The following CFAP58 variants were observed in gnomAD, a reference collection of about 807,000 sequenced individuals.
CFAP58 encodes the protein cilia- and flagella-associated protein 58.
Under a neutral mutation model 119.5 loss-of-function variants are expected in CFAP58, and 88 were observed. The observed-to-expected ratio is 0.74, with a 90% confidence interval of 0.62 to 0.88. The LOEUF is 0.88. CFAP58 is among the 40% of genes least tolerant of loss of function. CFAP58 has a pLI of 0.00. For synonymous variants in CFAP58, 365 were observed against 366.3 expected, an observed-to-expected ratio of 1.00 and a Z score of 0.04; for missense variants, 990 against 1,021.2, an observed-to-expected ratio of 0.97 and a Z score of 0.42.
intron 15 of CFAP58, among the ~76,000 whole-genome samples, chr10:104,418,884 G>C (rs543356157): frequency 1.3e-4 from 20 of 152,254 alleles, no homozygotes; most frequent in African/African-American, 4.8e-4. Flanking sequence ...CGATGATGTG[G>C]GACTGAGAGG....
At chr10:104,399,598 C>T (rs1461153344) in intron 12 of CFAP58, 98 bp downstream of exon 12, 39 of 1,272,480 alleles carry the variant, frequency 3.1e-5, no homozygotes, top group Non-Finnish European at 4.1e-5. Context: ...CTCTTCCAAC[C>T]AGCCCTATTG....
At chr10:104,342,530 C>T in the CFAP58 span, among the ~76,000 whole-genome samples, 1 of 152,010 alleles carries the variant, frequency 6.6e-6, no homozygotes, top group South Asian at 2.1e-4. Flanking sequence ...CTTCACATTC[C>T]ATAGTGAAAG....
the CFAP58 span, among the ~76,000 whole-genome samples, chr10:104,344,801 A>G: frequency 6.6e-6 from 1 of 152,088 alleles, no homozygotes; most frequent in Non-Finnish European, 1.5e-5. Context: ...ATTTGCTTCT[A>G]CTAAAATCAT....
chr10:104,364,427 AACACACACACACAC>A (rs66757511), intron 3 of CFAP58, among the ~76,000 whole-genome samples: 49 of 142,242 alleles, frequency 3.4e-4, no homozygotes, highest in African/African-American at 1.0e-3. Context: ...ATGTCTGTAA[AACACACACACACAC>A]ACACACACAC....
At position 104,370,896 on chromosome 10, in the gene CFAP58, C is replaced by T. The variant is rs746130575; in HGVS notation, c.932C>T (p.Ala311Val). The change falls in exon 7 of 18, where the codon GCC becomes GTC. Residue 311 changes from alanine (A) to valine (V), a missense_variant and splice_region_variant. Physicochemically the swap from Ala to Val is moderately conservative, Grantham distance 64. Transcript: ENST00000369704. ...TTAATTCTTTCTCACTAATTACAGG[C>T]CAAAGAGGAAGAAGTCCATCAAATG... ...ENQQKALELK[A>V]KEEEVHQMRL... The T allele has an allele frequency of 1.1e-5, 18 of 1,610,158 alleles. No individual in the cohort carries two copies. Among genetic ancestry groups the T allele is most frequent in the Admixed American group, 8.4e-5 (5 of 59,172 alleles).
intron 15 of CFAP58, among the ~76,000 whole-genome samples, chr10:104,444,652 G>A (rs1202976727): frequency 6.6e-6 from 1 of 152,178 alleles, no homozygotes; most frequent in Non-Finnish European, 1.5e-5. Context: ...TGATACACAA[G>A]GCTAGAATGT....
At chr10:104,401,044 A>G (rs982083137) in intron 13 of CFAP58, 141 bp downstream of exon 13, 1 of 622,680 alleles carries the variant, frequency 1.6e-6, no homozygotes, top group Admixed American at 2.9e-5. Flanking sequence ...AATTATTAAC[A>G]AATAATAAGA....
At chr10:104,419,020 T>C (rs1021732801) in intron 15 of CFAP58, among the ~76,000 whole-genome samples, 11 of 152,142 alleles carry the variant, frequency 7.2e-5, no homozygotes, top group East Asian at 3.9e-4. Flanking sequence ...GATGCTCTCA[T>C]TGAAGGACAT....
chr10:104,383,560 A>C (rs571462899), intron 9 of CFAP58, among the ~76,000 whole-genome samples: 18 of 152,326 alleles, frequency 1.2e-4, no homozygotes, highest in Non-Finnish European at 2.5e-4. Context: ...ATATTTAACC[A>C]CACATAATGT....
At chr10:104,412,498 G>A (rs1004444014) in intron 15 of CFAP58, among the ~76,000 whole-genome samples, 2 of 151,996 alleles carry the variant, frequency 1.3e-5, no homozygotes, top group African/African-American at 4.8e-5. Flanking sequence ...AACAAGCCTT[G>A]TTATCTTGCT....
chr10:104,430,170 T>G (rs560094423), intron 15 of CFAP58, among the ~76,000 whole-genome samples: 1 of 152,326 alleles, frequency 6.6e-6, no homozygotes, highest in East Asian at 1.9e-4. Context: ...AAGACACGAA[T>G]GATGTACTTA....
At chr10:104,376,953 G>C in intron 8 of CFAP58, 60 bp downstream of exon 8, 1 of 1,316,140 alleles carries the variant, frequency 7.6e-7, no homozygotes, top group Non-Finnish European at 1.1e-6. Flanking sequence ...GTAATATCTG[G>C]CTATAGCCAG....
intron 15 of CFAP58, among the ~76,000 whole-genome samples, chr10:104,441,749 C>A (rs528253841): frequency 3.7e-4 from 57 of 152,262 alleles, no homozygotes; most frequent in African/African-American, 1.3e-3. Context: ...ACTGTGTAAC[C>A]GACTAGTTCC....
intron 15 of CFAP58, among the ~76,000 whole-genome samples, chr10:104,446,956 A>G (rs909061592): frequency 6.6e-6 from 1 of 151,822 alleles, no homozygotes; most frequent in Non-Finnish European, 1.5e-5. Context: ...TTCCTTGGAT[A>G]TTTACCTCTT....
At chr10:104,348,050 T>G in the CFAP58 span, among the ~76,000 whole-genome samples, 3 of 151,174 alleles carry the variant, frequency 2.0e-5, no homozygotes, top group Non-Finnish European at 4.4e-5. Context: ...ATAATAGAAC[T>G]GGCTTCATGT....
At chr10:104,381,180 A>G (rs1435446917) in intron 9 of CFAP58, among the ~76,000 whole-genome samples, 5 of 149,654 alleles carry the variant, frequency 3.3e-5, no homozygotes, top group Admixed American at 6.6e-5. Context: ...CAAACAGACA[A>G]ACAAACAAAC....
At chr10:104,374,435 A>G (rs565769374) in intron 7 of CFAP58, among the ~76,000 whole-genome samples, 53 of 135,422 alleles carry the variant, frequency 3.9e-4, no homozygotes, top group African/African-American at 1.4e-3. Context: ...TGGGTGACAG[A>G]GCGAGACCTT....
At chr10:104,382,069 A>G in intron 9 of CFAP58, 1 of 717,130 alleles carries the variant, frequency 1.4e-6, no homozygotes, top group South Asian at 1.5e-5. Context: ...TGTTTTGCTC[A>G]TATAACTGGC....
chr10:104,370,849 T>A, intron 6 of CFAP58, 46 bp from the exon 7 acceptor site: 1 of 1,554,538 alleles, frequency 6.4e-7, no homozygotes, highest in Non-Finnish European at 8.7e-7. Context: ...AGTTCCTGGC[T>A]CTTCATTTAC....
Sources: allele counts gnomAD v4.1 joint callset (sites outside exome capture counted in the v4.1 genomes callset), GRCh38; gene constraint gnomAD v4.1.1; transcripts MANE v1.5; gene names NCBI Gene and HGNC (gene_info 2026-07-23, HGNC 2026-07-21).